The following RABGAP1L variants were observed in gnomAD, a reference collection of about 807,000 sequenced individuals.
RABGAP1L encodes RAB GTPase activating protein 1 like.
In RABGAP1L, 63 loss-of-function variants were observed where a neutral mutation model predicts 137.7. The observed-to-expected ratio is 0.46, with a 90% confidence interval of 0.37 to 0.56. RABGAP1L has a LOEUF of 0.56. Ranked by LOEUF, RABGAP1L falls within the 20% of genes least tolerant of loss-of-function variation. The probability of loss-of-function intolerance (pLI) is 0.00; values close to 1 mark genes in which losing one functional copy is unlikely to be tolerated. For synonymous variants in RABGAP1L, 431 were observed against 433.7 expected, an observed-to-expected ratio of 0.99 and a Z score of 0.08; for missense variants, 1,095 against 1,244.0, an observed-to-expected ratio of 0.88 and a Z score of 1.80.
chr1:174,492,378 C>T (rs926838395), intron 13 of RABGAP1L, among the ~76,000 whole-genome samples: 3 of 143,238 alleles, frequency 2.1e-5, no homozygotes, highest in Non-Finnish European at 4.5e-5. Flanking sequence ...GATGGAGTCT[C>T]GCTCTTGTCG....
chr1:174,986,088 G>A (rs1558308159), intron 24 of RABGAP1L, among the ~76,000 whole-genome samples: 1 of 151,926 alleles, frequency 6.6e-6, no homozygotes, highest in Non-Finnish European at 1.5e-5. Context: ...ACAGTCACGC[G>A]CCTCCACACC....
chr1:174,280,142 G>T (rs1400622669), intron 10 of RABGAP1L, among the ~76,000 whole-genome samples: 2 of 151,254 alleles, frequency 1.3e-5, no homozygotes, highest in African/African-American at 2.4e-5. Flanking sequence ...CAAGACCTGA[G>T]ACTATAACTC....
chr1:174,619,307 C>G lies in RABGAP1L; in HGVS notation c.1711-18068C>G, dbSNP rs34480334. Among the ~76,000 whole-genome samples the G allele has an allele frequency of 3.9e-5, 6 of 152,152 alleles. No homozygotes were observed. In the South Asian group the frequency reaches 1.2e-3, roughly 32 times the overall value. ...TAGAGAATGCCACAAAGATACTCCT[C>G]GAGAAGAGCAACTCTAAGACACATA... is the stretch of plus-strand genomic sequence containing the variant. On this transcript the variant is annotated intron_variant, in intron 13 of 25. Transcript: ENST00000681986.
At chr1:174,598,772 T>G (rs564604311) in intron 13 of RABGAP1L, among the ~76,000 whole-genome samples, 1 of 152,170 alleles carries the variant, frequency 6.6e-6, no homozygotes, top group African/African-American at 2.4e-5. Flanking sequence ...CATTCCTTTA[T>G]TTTTAGTCTA....
At chr1:174,797,962 G>C (rs1445250196) in intron 18 of RABGAP1L, among the ~76,000 whole-genome samples, 1 of 151,718 alleles carries the variant, frequency 6.6e-6, no homozygotes, top group Admixed American at 6.6e-5. Flanking sequence ...TTTTAGAGAT[G>C]GGGTTCCACT....
At chr1:174,191,346 A>C (rs1667198810) in intron 1 of RABGAP1L, among the ~76,000 whole-genome samples, 1 of 152,184 alleles carries the variant, frequency 6.6e-6, no homozygotes, top group African/African-American at 2.4e-5. Flanking sequence ...GAATGAAGAG[A>C]GCTGACACTA....
At chr1:174,897,985 A>T (rs1459813436) in intron 19 of RABGAP1L, 1 of 151,750 alleles carries the variant, frequency 6.6e-6, no homozygotes, top group Non-Finnish European at 1.5e-5. Flanking sequence ...TCTCAAAAAA[A>T]AAAAAAAAAA....
intron 13 of RABGAP1L, among the ~76,000 whole-genome samples, chr1:174,436,142 A>G (rs1159544567): frequency 6.6e-6 from 1 of 152,192 alleles, no homozygotes; most frequent in Non-Finnish European, 1.5e-5. Flanking sequence ...TTATAGCAGC[A>G]TGATTTATAA....
intron 13 of RABGAP1L, among the ~76,000 whole-genome samples, chr1:174,608,674 A>G (rs550574099): frequency 2.0e-5 from 3 of 152,270 alleles, no homozygotes; most frequent in African/African-American, 7.2e-5. Context: ...ATGGAATGGA[A>G]TAAGTCCTTT....
chr1:174,935,126 A>T (rs1664542909), intron 19 of RABGAP1L: 1 of 152,208 alleles, frequency 6.6e-6, no homozygotes, highest in South Asian at 2.1e-4. Context: ...GATAATTAGG[A>T]CACAGAACCT....
intron 19 of RABGAP1L, among the ~76,000 whole-genome samples, chr1:174,840,464 T>A (rs976082303): frequency 6.6e-6 from 1 of 152,128 alleles, no homozygotes; most frequent in Non-Finnish European, 1.5e-5. Flanking sequence ...GTTTATGGGA[T>A]AGGATTTGTG....
At chr1:174,569,655 T>C (rs1004891818) in intron 13 of RABGAP1L, among the ~76,000 whole-genome samples, 11 of 152,174 alleles carry the variant, frequency 7.2e-5, no homozygotes, top group African/African-American at 2.7e-4. Flanking sequence ...TTATAAGGAA[T>C]TGTAAAGATC....
chr1:174,716,618 C>T (rs1681034704), intron 17 of RABGAP1L, among the ~76,000 whole-genome samples: 2 of 152,250 alleles, frequency 1.3e-5, no homozygotes, highest in South Asian at 4.2e-4. Flanking sequence ...GGTTGTCTCA[C>T]CGGGACTTTC....
intron 19 of RABGAP1L, among the ~76,000 whole-genome samples, chr1:174,819,509 G>A (rs566546438): frequency 6.6e-6 from 1 of 152,272 alleles, no homozygotes; most frequent in East Asian, 1.9e-4. Flanking sequence ...TATACTTACA[G>A]AGTGAGATAA....
At chr1:174,790,613 G>A (rs1198250640) in intron 18 of RABGAP1L, among the ~76,000 whole-genome samples, 2 of 131,862 alleles carry the variant, frequency 1.5e-5, no homozygotes, top group Non-Finnish European at 3.5e-5. Flanking sequence ...TAGCCTGGGC[G>A]ACAAAAGTGA....
intron 13 of RABGAP1L, among the ~76,000 whole-genome samples, chr1:174,577,419 A>G (rs909606593): frequency 2.6e-5 from 4 of 151,954 alleles, no homozygotes; most frequent in Admixed American, 2.6e-4. Flanking sequence ...CTGGGTTATT[A>G]AAAATATTAA....
At chr1:174,863,335 T>A (rs1650616424) in intron 19 of RABGAP1L, among the ~76,000 whole-genome samples, 1 of 152,040 alleles carries the variant, frequency 6.6e-6, no homozygotes, top group South Asian at 2.1e-4. Context: ...CTTTAGTTAA[T>A]CTTTTCTAAC....
At chr1:174,977,030 G>A (rs970973035) in intron 22 of RABGAP1L, among the ~76,000 whole-genome samples, 1 of 152,170 alleles carries the variant, frequency 6.6e-6, no homozygotes, top group Admixed American at 6.5e-5. Context: ...AAGTGAGGAA[G>A]CATCTCAAAT....
chr1:174,328,770 TA>T (rs1248069320), intron 11 of RABGAP1L, among the ~76,000 whole-genome samples: 1 of 151,944 alleles, frequency 6.6e-6, no homozygotes, highest in African/African-American at 2.4e-5. Context: ...ACTCCATCTC[TA>T]AATAAATATA....
Sources: gnomAD v4.1 joint callset for allele counts (sites outside exome capture counted in the v4.1 genomes callset) on GRCh38, gnomAD v4.1.1 for gene constraint, MANE v1.5 for transcripts, NCBI Gene and HGNC (gene_info 2026-07-23, HGNC 2026-07-21) for gene names.